The following MAP3K9 variants were observed in gnomAD, a reference collection of about 807,000 sequenced individuals.
MAP3K9 encodes the protein mixed lineage kinase 1 (tyr and ser/thr specificity).
MAP3K9 carries 46 observed loss-of-function variants against 95.8 expected under a neutral mutation model. That is an observed-to-expected ratio of 0.48 (90% CI 0.38 to 0.61). MAP3K9 has a LOEUF of 0.61. Ranked by LOEUF, MAP3K9 falls within the 20% of genes least tolerant of loss-of-function variation. MAP3K9 has a pLI of 0.00. For missense variants in MAP3K9, 1,296 were observed against 1,474.3 expected (o/e 0.88, Z 1.98); for synonymous variants, 533 against 593.8 (o/e 0.90, Z 1.49).
At chr14:70,753,883 T>C (rs558890122) in intron 3 of MAP3K9, among the ~76,000 whole-genome samples, 1 of 152,246 alleles carries the variant, frequency 6.6e-6, no homozygotes, top group South Asian at 2.1e-4. Context: ...CTACCTTTCT[T>C]GACAAAAGGC....
intron 7 of MAP3K9, 30 bp from the exon 8 acceptor site, chr14:70,738,428 A>C: frequency 6.2e-7 from 1 of 1,609,842 alleles, no homozygotes; most frequent in Non-Finnish European, 8.5e-7. Context: ...GATAGGATCT[A>C]GAAAATGGAC....
intron 3 of MAP3K9, among the ~76,000 whole-genome samples, chr14:70,750,843 AT>A (rs1566741046): frequency 6.6e-6 from 1 of 151,946 alleles, no homozygotes; most frequent in African/African-American, 2.4e-5. Flanking sequence ...CCCAAGTATA[AT>A]TTTTTTTCTG....
intron 6 of MAP3K9, among the ~76,000 whole-genome samples, chr14:70,742,129 A>C (rs1342674426): frequency 6.6e-6 from 1 of 152,024 alleles, no homozygotes; most frequent in Non-Finnish European, 1.5e-5. Context: ...GGTTGTCCTC[A>C]CTTCATATTC....
chr14:70,799,632 C>A (rs1007702359), intron 2 of MAP3K9, among the ~76,000 whole-genome samples: 1 of 152,344 alleles, frequency 6.6e-6, no homozygotes, highest in Admixed American at 6.5e-5. Flanking sequence ...AGCCACCGCG[C>A]CTGGCCTTAA....
At chr14:70,741,808 G>A (rs1331509100) in intron 6 of MAP3K9, among the ~76,000 whole-genome samples, 2 of 152,146 alleles carry the variant, frequency 1.3e-5, no homozygotes, top group African/African-American at 4.8e-5. Context: ...TCAGCTGGGC[G>A]TGGTGGCATG....
chr14:70,786,668 G>A (rs953749589), intron 2 of MAP3K9, among the ~76,000 whole-genome samples: 8 of 152,212 alleles, frequency 5.3e-5, no homozygotes, highest in Non-Finnish European at 8.8e-5. Context: ...CAGAGTAACA[G>A]TGTTCCATTG....
chr14:70,767,017 A>T (rs2054464542), intron 2 of MAP3K9, among the ~76,000 whole-genome samples: 1 of 151,986 alleles, frequency 6.6e-6, no homozygotes, highest in African/African-American at 2.4e-5. Flanking sequence ...GAAAGCAAAA[A>T]CCTCATTCTT....
chr14:70,730,982 C>A, intron 11 of MAP3K9, 118 bp from the exon 12 acceptor site: 1 of 1,174,530 alleles, frequency 8.5e-7, no homozygotes, highest in Non-Finnish European at 1.2e-6. Flanking sequence ...CATGAATCAC[C>A]AAATGTTTGT....
In MAP3K9 at chr14:70,730,437, C is replaced by T. The variant is rs149882494; in HGVS notation, c.3258G>A (p.Ala1086=). The T allele has an allele frequency of 4.6e-5, 74 of 1,614,184 alleles. No individual in the cohort carries two copies. In the African/African-American group the frequency reaches 6.4e-4, roughly 14 times the overall value. The change falls in exon 12 of 12, where the codon GCG becomes GCA. Residue 1086 remains alanine (A), a synonymous_variant. Transcript: ENST00000554752. ...SQDSTVPLCR[A]ELNTHRPAPY... The stretch of plus-strand genomic sequence containing the variant: ...GGGCAGGCCTGTGTGTGTTCAGTTC[C>T]GCTCTGCACAGCGGCACGGTGCTGT...
Position 70,739,090 on chromosome 14 carries a change from C to T in MAP3K9, c.1691-692G>A, listed in dbSNP as rs72721922. 5.9e-3 allele frequency among the ~76,000 whole-genome samples: 906 copies of T among 152,278 alleles called. 7 individuals are homozygous for T. The highest frequency in any genetic ancestry group is 9.4e-3 in the Non-Finnish European group (641 of 68,022). ...AACTGTAGCCACATGAAAAAAGAAA[C>T]CTACTGATTTGATTTCATTTTTCAA... is the stretch of plus-strand genomic sequence containing the variant. On this transcript the variant is annotated intron_variant, in intron 7 of 11. Transcript: ENST00000554752.
At chr14:70,765,731 C>A (rs1244725318) in intron 2 of MAP3K9, among the ~76,000 whole-genome samples, 1 of 93,674 alleles carries the variant, frequency 1.1e-5, no homozygotes, top group African/African-American at 4.5e-5. Flanking sequence ...ACACCAACAA[C>A]AGCTAAAAAA....
chr14:70,730,939 CA>C, intron 11 of MAP3K9, 75 bp from the exon 12 acceptor site: 1 of 1,425,600 alleles, frequency 7.0e-7, no homozygotes, highest in Non-Finnish European at 9.4e-7. Flanking sequence ...TACTCCCCCC[CA>C]ACACCACCAT....
At chr14:70,767,209 C>A (rs1040379374) in intron 2 of MAP3K9, among the ~76,000 whole-genome samples, 14 of 151,882 alleles carry the variant, frequency 9.2e-5, no homozygotes, top group Admixed American at 2.0e-4. Context: ...CATAGCAAAA[C>A]CCTGTCTCTA....
chr14:70,738,293 C>G lies in MAP3K9; in HGVS notation c.1796G>C (p.Trp599Ser). 6.2e-7 allele frequency: 1 copy of G among 1,613,700 alleles called. No individual in the cohort carries two copies. Residue 599 changes from tryptophan to serine, a missense_variant, in exon 8 of 12, where the codon TGG (tryptophan) becomes TCG (serine). By Grantham distance (177) the Trp-to-Ser change is radical (BLOSUM62 -3). Around this residue, in one of 5 missense-constraint regions of MAP3K9, gnomAD observed 377 missense variants for 417.1 expected, o/e 0.90. Transcript: ENST00000554752. ...KRAPKKKGRTWGPGTLGQKEL... is the reference protein window; with the variant it reads ...KRAPKKKGRTSGPGTLGQKEL... Reference sequence around the variant, plus strand: ...CTTCTGACCAAGCGTCCCTGGCCCCCACGTCCGTCCCTTCTTCTTTGGGGC... The same window carrying G: ...CTTCTGACCAAGCGTCCCTGGCCCCGACGTCCGTCCCTTCTTCTTTGGGGC...
chr14:70,778,453 T>C (rs2054629546), intron 2 of MAP3K9, among the ~76,000 whole-genome samples: 1 of 152,096 alleles, frequency 6.6e-6, no homozygotes, highest in Non-Finnish European at 1.5e-5. Context: ...TTTTTGTGTT[T>C]TTAGCAGAGA....
In MAP3K9 at chr14:70,732,620, A is replaced by G; in HGVS notation, c.2749T>C (p.Ser917Pro). The change falls in exon 11 of 12, where the codon TCT (serine) becomes CCT (proline). Residue 917 changes from serine (S) to proline (P), a missense_variant. Ser to Pro is a moderately conservative substitution (Grantham distance 74). This residue lies in a region of MAP3K9 where 433 missense variants were observed against 441.4 expected (regional missense o/e 0.98). Coordinates refer to ENST00000554752, the MANE Select transcript of MAP3K9 (RefSeq NM_001284230.2). ...SQPSSHRRTP[S>P]DGALKPETLL... is the part of the protein sequence containing the mutation. ...GTCTCTGGCTTAAGGGCCCCATCAG[A>G]AGGAGTCCGCCGGTGACTGCTGGGC... is the stretch of plus-strand genomic sequence containing the variant. The G allele has an allele frequency of 6.2e-7, 1 of 1,607,094 alleles. No homozygotes were observed. Among genetic ancestry groups the G allele is most frequent in the Non-Finnish European group, 8.5e-7 (1 of 1,176,324 alleles).
Position 70,808,666 on chromosome 14 carries a change from C to A in MAP3K9, c.406+100G>T. The A allele has an allele frequency of 1.3e-5, 2 of 153,928 alleles. 1 individual carries two copies. Among genetic ancestry groups the A allele is most frequent in the Non-Finnish European group, 2.6e-5 (2 of 75,870 alleles). 9.5% of individuals were successfully genotyped at this position (153,928 alleles called of 1,614,324 possible). On this transcript the variant is annotated intron_variant, in intron 1 of 11. Transcript: ENST00000554752. ...CCAGGTCAATCGTCCTCCCCACCCC[C>A]CGCCCTCATCCCAGCCCTCGCGCAG... is the stretch of plus-strand genomic sequence containing the variant.
chr14:70,763,838 C>T (rs2054407941), intron 2 of MAP3K9, among the ~76,000 whole-genome samples: 1 of 151,978 alleles, frequency 6.6e-6, no homozygotes, highest in African/African-American at 2.4e-5. Context: ...GGCCAGCATA[C>T]TATACTTTTT....
At position 70,761,288 on chromosome 14, in the gene MAP3K9, A is replaced by G; in HGVS notation, c.821-106T>C. 5.8e-6 allele frequency: 5 copies of G among 855,388 alleles called. 1 individual carries two copies. Among genetic ancestry groups the G allele is most frequent in the Non-Finnish European group, 9.0e-6 (5 of 557,562 alleles). 53.0% of individuals were successfully genotyped at this position (855,388 alleles called of 1,614,324 possible). On this transcript the variant is annotated intron_variant, in intron 2 of 11. Coordinates refer to ENST00000554752, the MANE Select transcript of MAP3K9 (RefSeq NM_001284230.2). ...CCTCCTGGCCTCTCCTGTGGGCTCC[A>G]GCATTTAGCTGCCATGGATTGATGG...
Sources: gnomAD v4.1 joint callset for allele counts (sites outside exome capture counted in the v4.1 genomes callset) on GRCh38, gnomAD v4.1.1 for gene constraint, gnomAD v4.1.1 regional missense constraint, MANE v1.5 for transcripts, NCBI Gene and HGNC (gene_info 2026-07-23, HGNC 2026-07-21) for gene names.